ZBTB16: variants seen among roughly 807,000 people sequenced by gnomAD.
ZBTB16 encodes zinc finger and BTB domain-containing protein 16.
ZBTB16 carries 8 observed loss-of-function variants against 56.8 expected under a neutral mutation model. The ratio of observed to expected loss-of-function variants is 0.14; its 90% CI spans 0.08 to 0.25. The LOEUF (loss-of-function observed/expected upper bound fraction) is 0.25. Among genes scored for constraint, ZBTB16 ranks in the 10% least tolerant of loss-of-function variants. The pLI, the probability that ZBTB16 is intolerant of heterozygous loss-of-function variation, is 1.00. For missense variants in ZBTB16, 625 were observed against 903.0 expected, an observed-to-expected ratio of 0.69 and a Z score of 3.95; for synonymous variants, 363 against 368.5, an observed-to-expected ratio of 0.98 and a Z score of 0.17.
At position 114,169,259 on chromosome 11, in the gene ZBTB16, G is replaced by A. The variant is rs535349974; in HGVS notation, c.1366+12825G>A. On this transcript the variant is annotated intron_variant, in intron 3 of 6. Coordinates refer to ENST00000335953, the MANE Select transcript of ZBTB16 (RefSeq NM_006006.6). ...TGTGACCACTTGGGCTATTACTAGCGCCTTAGACTTCAAGCGTCTTGGAGT... is the reference window on the plus strand; with the variant it reads ...TGTGACCACTTGGGCTATTACTAGCACCTTAGACTTCAAGCGTCTTGGAGT... Among the ~76,000 whole-genome samples, 75 of 152,328 alleles carry A rather than the reference G, an allele frequency of 4.9e-4. 1 individual carries two copies. The highest frequency in any genetic ancestry group is 2.8e-3 in the Admixed American group (43 of 15,304).
chr11:114,134,770 T>G (rs1810382), intron 2 of ZBTB16, among the ~76,000 whole-genome samples: 59,207 of 152,128 alleles, frequency 0.39, 12,085 homozygotes, highest in African/African-American at 0.52. Context: ...AAGTCATTTT[T>G]TTTAAACAAT....
chr11:114,254,627 CAGG>C lies in ZBTB16; in HGVS notation c.*4074_*4076del, dbSNP rs759367209. Among the ~76,000 whole-genome samples, 1 of 152,038 alleles carries C rather than the reference CAGG, an allele frequency of 6.6e-6. No homozygotes were observed. Among genetic ancestry groups the C allele is most frequent in the Non-Finnish European group, 1.5e-5 (1 of 68,012 alleles). ...GCTAGGGTGAAAACTGGGGGCGCAC[CAGG>C]ATGTGAGACAGAAAAGCAGAAGATG... On this transcript the variant is annotated 3_prime_UTR_variant, in exon 7 of 7. Transcript: ENST00000335953.
intron 4 of ZBTB16, among the ~76,000 whole-genome samples, chr11:114,199,511 G>C (rs1174182856): frequency 6.6e-6 from 1 of 152,256 alleles, no homozygotes; most frequent in Non-Finnish European, 1.5e-5. Context: ...TAGTGGAAAT[G>C]TGATTGCAGA....
intron 2 of ZBTB16, among the ~76,000 whole-genome samples, chr11:114,087,998 A>G (rs1940023924): frequency 1.3e-5 from 2 of 152,206 alleles, no homozygotes; most frequent in African/African-American, 4.8e-5. Flanking sequence ...ACAGGGCCAA[A>G]TCTCTCATGC....
chr11:114,104,337 A>G (rs1940714426), intron 2 of ZBTB16, among the ~76,000 whole-genome samples: 1 of 152,176 alleles, frequency 6.6e-6, no homozygotes, highest in Non-Finnish European at 1.5e-5. Context: ...ATTGCCTGCT[A>G]TTGGGGAAAG....
chr11:114,223,320 G>A lies in ZBTB16; in HGVS notation c.1454-18847G>A, dbSNP rs918161577. The stretch of plus-strand genomic sequence containing the variant: ...GGATATGAGTGTACACCTAACAATC[G>A]CACGTATTAAAAGATATGGGAATAT... On this transcript the variant is annotated intron_variant, in intron 4 of 6. Coordinates refer to ENST00000335953, the MANE Select transcript of ZBTB16 (RefSeq NM_006006.6). Among the ~76,000 whole-genome samples the A allele has an allele frequency of 1.1e-4, 16 of 152,248 alleles. 1 individual carries two copies. The highest frequency in any genetic ancestry group is 2.6e-4 in the African/African-American group (11 of 41,536).
intron 3 of ZBTB16, among the ~76,000 whole-genome samples, chr11:114,168,712 G>A (rs1942865811): frequency 6.6e-6 from 1 of 152,154 alleles, no homozygotes; most frequent in Non-Finnish European, 1.5e-5. Context: ...TGCTGTTTGA[G>A]TGCCTAAATG....
chr11:114,140,974 G>A lies in ZBTB16; in HGVS notation c.1269-15363G>A, dbSNP rs182182902. On this transcript the variant is annotated intron_variant, in intron 2 of 6. Transcript: ENST00000335953. ...AGCCAGCTCCATTGTTTCAAGAAGG[G>A]CTTTGGGGCTGCTCGATGACTGCAG... Among the ~76,000 whole-genome samples, 379 of 152,250 alleles carry A rather than the reference G, an allele frequency of 2.5e-3. 2 individuals are homozygous for A. Among genetic ancestry groups the A allele is most frequent in the African/African-American group, 8.7e-3 (360 of 41,546 alleles).
chr11:114,198,785 G>T (rs933283957), intron 4 of ZBTB16, among the ~76,000 whole-genome samples: 1 of 152,166 alleles, frequency 6.6e-6, no homozygotes, highest in African/African-American at 2.4e-5. Context: ...TCACATGAGG[G>T]TTCACTCCTG....
At chr11:114,135,010 A>G (rs1453238489) in intron 2 of ZBTB16, among the ~76,000 whole-genome samples, 1 of 152,232 alleles carries the variant, frequency 6.6e-6, no homozygotes, top group East Asian at 1.9e-4. Context: ...GCCAGATCCC[A>G]TGGAAGATGC....
intron 3 of ZBTB16, among the ~76,000 whole-genome samples, chr11:114,182,997 A>T (rs1943283179): frequency 6.6e-6 from 1 of 152,148 alleles, no homozygotes; most frequent in African/African-American, 2.4e-5. Context: ...TACAGAGACC[A>T]TTTAAAGGCA....
chr11:114,201,401 T>G (rs1943733962), intron 4 of ZBTB16, among the ~76,000 whole-genome samples: 1 of 152,160 alleles, frequency 6.6e-6, no homozygotes, highest in African/African-American at 2.4e-5. Flanking sequence ...CCCTGAGGAA[T>G]CCGGGGACCA....
At chr11:114,185,936 C>T (rs1041868069) in intron 3 of ZBTB16, among the ~76,000 whole-genome samples, 2 of 152,108 alleles carry the variant, frequency 1.3e-5, no homozygotes, top group Non-Finnish European at 2.9e-5. Context: ...ATTTATTCCA[C>T]AAATATGTAT....
intron 4 of ZBTB16, among the ~76,000 whole-genome samples, chr11:114,198,442 A>C (rs1943655307): frequency 6.6e-6 from 1 of 152,128 alleles, no homozygotes; most frequent in East Asian, 1.9e-4. Flanking sequence ...TGCTTGCTGT[A>C]GAGTAGGGAG....
At chr11:114,167,702 C>T (rs1171718372) in intron 3 of ZBTB16, among the ~76,000 whole-genome samples, 1 of 152,062 alleles carries the variant, frequency 6.6e-6, no homozygotes, top group Non-Finnish European at 1.5e-5. Context: ...TGCACCTTCC[C>T]TTTGAATGGC....
chr11:114,072,872 G>C (rs1409422299), intron 2 of ZBTB16, among the ~76,000 whole-genome samples: 1 of 151,954 alleles, frequency 6.6e-6, no homozygotes, highest in Non-Finnish European at 1.5e-5. Context: ...CTAACACAGT[G>C]AAACCCCGTC....
chr11:114,082,114 T>TCAA (rs150038900), intron 2 of ZBTB16, among the ~76,000 whole-genome samples: 1 of 130,120 alleles, frequency 7.7e-6, no homozygotes, highest in Non-Finnish European at 1.6e-5. Flanking sequence ...AGACGATCTT[T>TCAA]ACAAAAAAAA....
chr11:114,075,435 T>C (rs1029696394), intron 2 of ZBTB16, among the ~76,000 whole-genome samples: 1 of 151,594 alleles, frequency 6.6e-6, no homozygotes, highest in Admixed American at 6.6e-5. Context: ...TTCAGTATTT[T>C]TTCCATTGTA....
intron 3 of ZBTB16, 58 bp from the exon 4 acceptor site, chr11:114,186,894 C>G: frequency 1.3e-6 from 2 of 1,558,702 alleles, no homozygotes; most frequent in Admixed American, 1.7e-5. Flanking sequence ...TGGCCCAGGA[C>G]CTCCCCGCTC....
Sources: gnomAD v4.1 joint callset for allele counts (sites outside exome capture counted in the v4.1 genomes callset) on GRCh38, gnomAD v4.1.1 for gene constraint, MANE v1.5 for transcripts, NCBI Gene and HGNC (gene_info 2026-07-23, HGNC 2026-07-21) for gene names.